ASIC2: variants seen among roughly 807,000 people sequenced by gnomAD.
The protein encoded by ASIC2 is acid sensing ion channel subunit 2.
ASIC2 carries 25 observed loss-of-function variants against 57.3 expected under a neutral mutation model. That is an observed-to-expected ratio of 0.44 (90% CI 0.32 to 0.61). ASIC2 has a LOEUF of 0.61. Among genes scored for constraint, ASIC2 ranks in the 20% least tolerant of loss-of-function variants. ASIC2 has a pLI of 0.06. For missense variants in ASIC2, 641 were observed against 738.1 expected, an observed-to-expected ratio of 0.87 and a Z score of 1.52; for synonymous variants, 319 against 307.5, an observed-to-expected ratio of 1.04 and a Z score of -0.39.
intron 1 of ASIC2, among the ~76,000 whole-genome samples, chr17:33,257,102 T>C (rs1909109875): frequency 6.6e-6 from 1 of 152,060 alleles, no homozygotes; most frequent in African/African-American, 2.4e-5. Context: ...TGTGTCAACA[T>C]TGAAAAAAAT....
intron 1 of ASIC2, among the ~76,000 whole-genome samples, chr17:33,962,383 C>T (rs1904951468): frequency 6.6e-6 from 1 of 152,102 alleles, no homozygotes; most frequent in South Asian, 2.1e-4. Flanking sequence ...AGTAGATGCT[C>T]TAATACCCAA....
intron 1 of ASIC2, among the ~76,000 whole-genome samples, chr17:33,807,212 T>G (rs1338669422): frequency 6.6e-6 from 1 of 152,158 alleles, no homozygotes; most frequent in African/African-American, 2.4e-5. Context: ...GTCGTTTGGG[T>G]AAGGAGCAAA....
intron 2 of ASIC2, among the ~76,000 whole-genome samples, chr17:33,105,138 A>G (rs2092230128): frequency 6.6e-6 from 1 of 152,204 alleles, no homozygotes; most frequent in South Asian, 2.1e-4. Flanking sequence ...AATAAAAAAC[A>G]ATAAGGAAAT....
intron 1 of ASIC2, among the ~76,000 whole-genome samples, chr17:33,451,320 T>C (rs1912241023): frequency 6.6e-6 from 1 of 152,142 alleles, no homozygotes; most frequent in Non-Finnish European, 1.5e-5. Flanking sequence ...CCTCCCAAAG[T>C]GCTGGGATTT....
At chr17:33,597,649 G>A (rs1282907204) in intron 1 of ASIC2, among the ~76,000 whole-genome samples, 2 of 152,018 alleles carry the variant, frequency 1.3e-5, no homozygotes, top group South Asian at 2.1e-4. Flanking sequence ...TAATCCTAGC[G>A]GTAAAGTTGA....
chr17:34,059,843 G>A (rs534183675), intron 1 of ASIC2, among the ~76,000 whole-genome samples: 39 of 152,204 alleles, frequency 2.6e-4, no homozygotes, highest in Non-Finnish European at 4.6e-4. Context: ...AGCAAAACCC[G>A]CCCAAGGAGA....
At chr17:33,395,308 G>A (rs1450421994) in intron 1 of ASIC2, among the ~76,000 whole-genome samples, 1 of 152,084 alleles carries the variant, frequency 6.6e-6, no homozygotes, top group Non-Finnish European at 1.5e-5. Context: ...AAAGAAAGAG[G>A]TTTAATTGGA....
chr17:34,009,076 CT>C (rs111858942), intron 1 of ASIC2, among the ~76,000 whole-genome samples: 336 of 146,762 alleles, frequency 2.3e-3, no homozygotes, highest in Admixed American at 3.7e-3. Flanking sequence ...CACAGTCCAC[CT>C]TTTTTTTTTT....
At chr17:33,787,256 C>T (rs1226061565) in intron 1 of ASIC2, among the ~76,000 whole-genome samples, 1 of 152,204 alleles carries the variant, frequency 6.6e-6, no homozygotes, top group Non-Finnish European at 1.5e-5. Flanking sequence ...GGTCCCAGAG[C>T]TATTACTACC....
At chr17:33,330,481 T>A (rs1907268140) in intron 1 of ASIC2, among the ~76,000 whole-genome samples, 1 of 152,056 alleles carries the variant, frequency 6.6e-6, no homozygotes, top group Non-Finnish European at 1.5e-5. Context: ...CCACGATGAG[T>A]CCTCATGACA....
chr17:33,396,587 G>A (rs2141955880), intron 1 of ASIC2, among the ~76,000 whole-genome samples: 1 of 152,134 alleles, frequency 6.6e-6, no homozygotes, highest in African/African-American at 2.4e-5. Flanking sequence ...ATACTCTCTG[G>A]GCTTTACCTC....
intron 1 of ASIC2, among the ~76,000 whole-genome samples, chr17:33,678,286 T>C (rs1391250922): frequency 6.6e-6 from 1 of 152,182 alleles, no homozygotes; most frequent in Non-Finnish European, 1.5e-5. Context: ...CCAAATAATT[T>C]GTGTGACTCA....
chr17:33,946,410 G>C (rs143828845), intron 1 of ASIC2, among the ~76,000 whole-genome samples: 2 of 152,296 alleles, frequency 1.3e-5, no homozygotes, highest in African/African-American at 2.4e-5. Context: ...GGTGGAAACT[G>C]TTTAGCCTGG....
chr17:33,579,260 T>G (rs1436239055), intron 1 of ASIC2, among the ~76,000 whole-genome samples: 2 of 132,142 alleles, frequency 1.5e-5, no homozygotes, highest in Non-Finnish European at 3.1e-5. Flanking sequence ...CACTCCAGCC[T>G]GGGTAGCACG....
chr17:33,869,912 A>T (rs1299945300), intron 1 of ASIC2, among the ~76,000 whole-genome samples: 1 of 152,244 alleles, frequency 6.6e-6, no homozygotes, highest in Non-Finnish European at 1.5e-5. Context: ...TATCTCAATA[A>T]AAGTGTTACA....
intron 1 of ASIC2, among the ~76,000 whole-genome samples, chr17:33,392,453 C>T (rs529997799): frequency 2.0e-5 from 3 of 152,018 alleles, no homozygotes; most frequent in South Asian, 2.1e-4. Flanking sequence ...TTAGTAGAGA[C>T]GGGGTTTTCC....
rs540812418 is a variant in ASIC2, at chr17:34,039,573, A to G, written c.555+116405T>C. On this transcript the variant is annotated intron_variant, in intron 1 of 9. Coordinates refer to the ASIC2 transcript ENST00000359872. ...GTGCAACTGGTGGAACACTTCTGCC[A>G]GGGCTGGTTCCCGGCCCGCTTCCCC... The G allele has an allele frequency of 5.7e-5, 92 of 1,613,994 alleles. No individual in the cohort carries two copies. The East Asian group carries it at 1.7e-3, about 31-fold the overall frequency.
intron 1 of ASIC2, among the ~76,000 whole-genome samples, chr17:34,019,743 T>C (rs768098384): frequency 6.6e-6 from 1 of 152,244 alleles, no homozygotes. Context: ...GACATTTGCT[T>C]TATTGTGGTG....
intron 1 of ASIC2, among the ~76,000 whole-genome samples, chr17:34,106,750 C>T (rs1911072757): frequency 6.6e-6 from 1 of 152,086 alleles, no homozygotes; most frequent in Admixed American, 6.6e-5. Context: ...TGACATCCTC[C>T]CACCATGTTT....
Sources: gnomAD v4.1 joint callset for allele counts (sites outside exome capture counted in the v4.1 genomes callset) on GRCh38, gnomAD v4.1.1 for gene constraint, MANE v1.5 for transcripts, NCBI Gene and HGNC (gene_info 2026-07-23, HGNC 2026-07-21) for gene names.